BRF1: variants seen among roughly 807,000 people sequenced by gnomAD.
BRF1 encodes transcription factor IIIB 90 kDa subunit.
BRF1 carries 59 observed loss-of-function variants against 81.7 expected under a neutral mutation model. That is an observed-to-expected ratio of 0.72 (90% confidence interval 0.59 to 0.90). The LOEUF is 0.90. Among genes scored for constraint, BRF1 ranks in the 40% least tolerant of loss-of-function variants. The pLI is 0.00. For synonymous variants in BRF1, 491 were observed against 395.6 expected, an observed-to-expected ratio of 1.24 and a Z score of -2.86; for missense variants, 1,050 against 936.3, an observed-to-expected ratio of 1.12 and a Z score of -1.58.
intron 4 of BRF1, chr14:105,256,198 A>G: frequency 6.5e-7 from 1 of 1,532,194 alleles, no homozygotes; most frequent in Non-Finnish European, 8.7e-7. Context: ...CTCACAAAAA[A>G]ATTTTTTAAT....
At chr14:105,225,941 C>A (rs750943297) in intron 10 of BRF1, 128 bp downstream of exon 10, 49 of 973,606 alleles carry the variant, frequency 5.0e-5, no homozygotes, top group Non-Finnish European at 6.9e-5. Flanking sequence ...CCACCCTGCC[C>A]GGTGGTAAAC....
chr14:105,298,722 G>A (rs1053148617), intron 1 of BRF1, among the ~76,000 whole-genome samples: 3 of 152,114 alleles, frequency 2.0e-5, no homozygotes, highest in African/African-American at 7.2e-5. Flanking sequence ...AAGTGAGGTG[G>A]CGCACGCCTG....
chr14:105,243,094 T>G (rs1190704146), intron 5 of BRF1, among the ~76,000 whole-genome samples: 2 of 149,446 alleles, frequency 1.3e-5, no homozygotes. Context: ...CCAGCCTGGA[T>G]GACAGAGTGA....
chr14:105,288,223 G>A (rs371524277), intron 1 of BRF1, among the ~76,000 whole-genome samples: 1 of 151,784 alleles, frequency 6.6e-6, no homozygotes, highest in Admixed American at 6.6e-5. Flanking sequence ...GGGAGGCCGA[G>A]GTGGGTGGAT....
chr14:105,257,719 G>A lies in BRF1; in HGVS notation c.440-1170C>T, dbSNP rs184235315. Among the ~76,000 whole-genome samples, 71 of 152,280 alleles carry A rather than the reference G, an allele frequency of 4.7e-4. 1 individual carries two copies. Among genetic ancestry groups the A allele is most frequent in the Admixed American group, 2.4e-3 (37 of 15,294 alleles). ...GCCAGTGACATCAAAGGAAACCAAA[G>A]GAAAGCAGTAAGAACTACCTGGGGA... On this transcript the variant is annotated intron_variant, in intron 3 of 17. Transcript: ENST00000547530.
chr14:105,215,789 CAT>C (rs1183560324), intron 15 of BRF1, among the ~76,000 whole-genome samples: 1 of 148,604 alleles, frequency 6.7e-6, no homozygotes, highest in East Asian at 2.0e-4. Flanking sequence ...CACACACACA[CAT>C]GCACACACAC....
At chr14:105,291,485 G>C (rs907575537) in intron 1 of BRF1, among the ~76,000 whole-genome samples, 6 of 152,172 alleles carry the variant, frequency 3.9e-5, no homozygotes, top group African/African-American at 1.4e-4. Flanking sequence ...AGACCAGCCT[G>C]GCCAACAGGG....
intron 3 of BRF1, among the ~76,000 whole-genome samples, chr14:105,270,410 C>T (rs1342763241): frequency 1.3e-5 from 2 of 151,930 alleles, no homozygotes; most frequent in South Asian, 2.1e-4. Context: ...CTCCTGACCT[C>T]GTGATCCGCC....
In BRF1 at chr14:105,210,191, C is replaced by G. The variant is rs587763190; in HGVS notation, c.*360G>C. ...CACAGGGCCAGCACACTCAGCCCTC[C>G]ACACACTTGGACCAGCAGTGGGGCT... On this transcript the variant is annotated 3_prime_UTR_variant, in exon 18 of 18. Coordinates refer to ENST00000547530, the MANE Select transcript of BRF1 (RefSeq NM_001519.4). The surrounding 1 kb of genome is among the most constrained non-coding windows in gnomAD (Gnocchi z 4.7). The G allele has an allele frequency of 1.2e-3, 407 of 335,830 alleles. No homozygotes were observed. The highest frequency in any genetic ancestry group is 1.6e-3 in the Non-Finnish European group (288 of 177,768). 20.8% of individuals were successfully genotyped at this position (335,830 alleles called of 1,614,324 possible). A position where few individuals can be genotyped will look rare whatever the true frequency, so the allele number is the denominator to read the frequency against.
At chr14:105,280,037 AC>A (rs935278491) in intron 2 of BRF1, among the ~76,000 whole-genome samples, 5 of 152,216 alleles carry the variant, frequency 3.3e-5, no homozygotes, top group African/African-American at 1.2e-4. Context: ...GCAGTTTCTT[AC>A]AAAACTCAGC....
intron 1 of BRF1, among the ~76,000 whole-genome samples, chr14:105,312,902 G>A (rs1482770564): frequency 1.3e-5 from 2 of 152,144 alleles, no homozygotes; most frequent in Non-Finnish European, 2.9e-5. Context: ...GGGTTCTTCG[G>A]GCCACTCTGG....
intron 5 of BRF1, among the ~76,000 whole-genome samples, chr14:105,246,397 C>T (rs2735822): frequency 0.2 from 30,789 of 151,414 alleles, 3,784 homozygotes; most frequent in Middle Eastern, 0.27. Context: ...AAAGAATAGG[C>T]TGGGCGCGGT....
rs1014881112 is a variant in BRF1 at position 105,219,868 on chromosome 14, G to A, written c.1377+201C>T. 7.7e-5 allele frequency: 48 copies of A among 622,400 alleles called. No homozygotes were observed. In the African/African-American group the frequency reaches 8.8e-4, roughly 11 times the overall value. 38.6% of individuals were successfully genotyped at this position (622,400 alleles called of 1,614,324 possible). A position where few individuals can be genotyped will look rare whatever the true frequency, so the allele number is the denominator to read the frequency against. ...CGCAAAGCCAGGGGCCTCTCGACAGGCCGCCCCCGAGCCGACACTGGAGAA... is the reference window on the plus strand; with the variant it reads ...CGCAAAGCCAGGGGCCTCTCGACAGACCGCCCCCGAGCCGACACTGGAGAA... On this transcript the variant is annotated intron_variant, in intron 12 of 17. Transcript: ENST00000547530.
chr14:105,216,449 A>G (rs1891321808), intron 15 of BRF1, among the ~76,000 whole-genome samples: 1 of 152,186 alleles, frequency 6.6e-6, no homozygotes, highest in Non-Finnish European at 1.5e-5. Context: ...TGTGCTAGGA[A>G]TGCACCCCCA....
At chr14:105,219,973 G>T in intron 12 of BRF1, 96 bp downstream of exon 12, 4 of 1,411,290 alleles carry the variant, frequency 2.8e-6, no homozygotes, top group South Asian at 1.2e-5. Context: ...GCTCTGGGCA[G>T]GGGAGGTGGC....
Position 105,269,686 on chromosome 14 carries a change from G to A in BRF1, c.439+3035C>T, listed in dbSNP as rs2056576676. Among the ~76,000 whole-genome samples the A allele has an allele frequency of 6.6e-6, 1 of 152,168 alleles. No homozygotes were observed. Among genetic ancestry groups the A allele is most frequent in the South Asian group, 2.1e-4 (1 of 4,832 alleles). ...GCCAGACTCAGAGGCAGCCCCGGCA[G>A]TGCCACAGGACTGCTCTCCGTCCTG... is the stretch of plus-strand genomic sequence containing the variant. On this transcript the variant is annotated intron_variant, in intron 3 of 17. Transcript: ENST00000547530. This position sits in a 1 kb window ranked among gnomAD's most constrained non-coding sequence, Gnocchi z 5.0.
intron 12 of BRF1, 173 bp downstream of exon 12, chr14:105,219,896 G>A (rs1891989577): frequency 2.8e-6 from 2 of 705,408 alleles, no homozygotes; most frequent in Admixed American, 5.3e-5. Context: ...CTGGAGAAGA[G>A]AGTGTGGGGG....
intron 1 of BRF1, 81 bp downstream of exon 1, chr14:105,300,365 G>A (rs1251906206): frequency 7.3e-7 from 1 of 1,363,382 alleles, no homozygotes; most frequent in African/African-American, 1.5e-5. Flanking sequence ...CCGAGGCGCT[G>A]GTCCCGGCCG....
chr14:105,262,279 C>T (rs2140350568), intron 3 of BRF1, among the ~76,000 whole-genome samples: 1 of 152,330 alleles, frequency 6.6e-6, no homozygotes, highest in African/African-American at 2.4e-5. Context: ...GCCCTGCCCT[C>T]CCGAACTTCC....
Sources: gnomAD v4.1 joint callset for allele counts (sites outside exome capture counted in the v4.1 genomes callset) on GRCh38, gnomAD v4.1.1 for gene constraint, Gnocchi (gnomAD v3.1) non-coding constraint, MANE v1.5 for transcripts, NCBI Gene and HGNC (gene_info 2026-07-23, HGNC 2026-07-21) for gene names.